Variants in MYH6 observed in about 807,000 individuals in gnomAD.
The protein encoded by MYH6 is myosin-6.
Under a neutral mutation model 223.2 loss-of-function variants are expected in MYH6, and 126 were observed. The ratio of observed to expected loss-of-function variants is 0.56; its 90% CI spans 0.49 to 0.65. The LOEUF (loss-of-function observed/expected upper bound fraction) is 0.65. Ranked by LOEUF, MYH6 falls within the 30% of genes least tolerant of loss-of-function variation. MYH6 has a pLI of 0.00. For missense variants in MYH6, 2,040 were observed against 2,536.4 expected (o/e 0.80, Z 4.20); for synonymous variants, 978 against 1,010.2 (o/e 0.97, Z 0.61).
Position 23,404,717 on chromosome 14 carries a change from C to A in MYH6, c.636G>T (p.Ala212=), listed in dbSNP as rs111265123. ...GDRGKKDNAN[A]NKGTLEDQII... ...CCTGTGTCCCCCATGGCACCTTGTT[C>A]GCATTGGCATTGTCCTTCTTGCCAC... Residue 212 remains alanine, a synonymous_variant, in exon 7 of 39, where the codon GCG becomes GCT. Coordinates refer to ENST00000405093, the MANE Select transcript of MYH6 (RefSeq NM_002471.4). 2.5e-6 allele frequency: 4 copies of A among 1,613,900 alleles called. No homozygotes were observed. Among genetic ancestry groups the A allele is most frequent in the East Asian group, 2.2e-5 (1 of 44,886 alleles).
At position 23,407,322 on chromosome 14, in the gene MYH6, A is replaced by T; in HGVS notation, c.-13-86T>A. 1 of 1,484,532 alleles carries T rather than the reference A, an allele frequency of 6.7e-7. No individual in the cohort carries two copies. The highest frequency in any genetic ancestry group is 9.3e-7 in the Non-Finnish European group (1 of 1,078,628). The allele number at this position is 1,484,532 out of a possible 1,614,324, so 92.0% of individuals were successfully genotyped here. On this transcript the variant is annotated intron_variant, in intron 2 of 38. Transcript: ENST00000405093. This position sits in a 1 kb window ranked among gnomAD's most constrained non-coding sequence, Gnocchi z 5.6. ...TTTGTCCTCTGCAGCCCCCCTCCCT[A>T]CCCCCGCTCCTCTCCTCCACCCTGG...
Position 23,386,396 on chromosome 14 carries a change from C to T in MYH6, c.4878G>A (p.Glu1626=). ...TGGCGTGGCTGAGCTGGATCTCCAT[C>T]TCATTGAGGTCTCCTTCCATCTTCT... ...VKKKMEGDLN[E]MEIQLSHANR... The change falls in exon 33 of 39, where the codon GAG becomes GAA. Residue 1626 remains glutamate (E), a synonymous_variant. Transcript: ENST00000405093. 1 of 1,614,198 alleles carries T rather than the reference C, an allele frequency of 6.2e-7. No individual in the cohort carries two copies. The highest frequency in any genetic ancestry group is 8.5e-7 in the Non-Finnish European group (1 of 1,180,028).
intron 34 of MYH6, among the ~76,000 whole-genome samples, 152 bp downstream of exon 34, chr14:23,385,775 TG>T (rs1026077338): frequency 5.9e-5 from 9 of 152,158 alleles, no homozygotes; most frequent in Admixed American, 6.5e-5. Context: ...CTTAATATAA[TG>T]GTTCTGCAGC....
intron 25 of MYH6, among the ~76,000 whole-genome samples, chr14:23,391,715 C>A (rs1442386515): frequency 6.6e-6 from 1 of 152,142 alleles, no homozygotes; most frequent in Non-Finnish European, 1.5e-5. Context: ...CAGACCTGGC[C>A]ATGTAGCTTC....
chr14:23,382,573 A>G lies in MYH6; in HGVS notation c.5662-11T>C, dbSNP rs1287239260. Reference sequence around the variant, plus strand: ...GTTGGCTTGCTCCTCCTGTGGTGGGACAGTGGGGATGGGTGAATGAGCTGG... The same window carrying G: ...GTTGGCTTGCTCCTCCTGTGGTGGGGCAGTGGGGATGGGTGAATGAGCTGG... On this transcript the variant is annotated splice_polypyrimidine_tract_variant and intron_variant, in intron 37 of 38. Coordinates refer to ENST00000405093, the MANE Select transcript of MYH6 (RefSeq NM_002471.4). 1 of 1,613,996 alleles carries G rather than the reference A, an allele frequency of 6.2e-7. No individual in the cohort carries two copies. The highest frequency in any genetic ancestry group is 1.3e-5 in the African/African-American group (1 of 74,888).
intron 21 of MYH6, 29 bp from the exon 22 acceptor site, chr14:23,393,937 A>C (rs1211117641): frequency 6.2e-7 from 1 of 1,613,966 alleles, no homozygotes; most frequent in East Asian, 2.2e-5. Context: ...GAGGAAGCTG[A>C]TGGTTAAAGA....
intron 10 of MYH6, 133 bp downstream of exon 10, chr14:23,403,215 T>C: frequency 1.3e-6 from 1 of 790,426 alleles, no homozygotes; most frequent in Non-Finnish European, 2.2e-6. Flanking sequence ...GCTGGCGGAG[T>C]GAGTGGAGGG....
intron 14 of MYH6, among the ~76,000 whole-genome samples, 158 bp from the exon 15 acceptor site, chr14:23,399,195 T>C (rs1891522751): frequency 6.6e-6 from 1 of 152,148 alleles, no homozygotes; most frequent in Non-Finnish European, 1.5e-5. Context: ...AGGAAGCCAA[T>C]ATTCCTGGAA....
In MYH6 at chr14:23,386,626, G is replaced by T. The variant is rs572175190; in HGVS notation, c.4651-3C>A. On this transcript the variant is annotated splice_polypyrimidine_tract_variant and splice_region_variant and intron_variant, in intron 32 of 38. Coordinates refer to ENST00000405093, the MANE Select transcript of MYH6 (RefSeq NM_002471.4). ...CCCTCCTCGTGCTCCAGGGAGGCCT[G>T]GGAAGGGGTGGGGCGAGGGCGGGCA... 146 of 1,607,918 alleles carry T rather than the reference G, an allele frequency of 9.1e-5. No homozygotes were observed. Among genetic ancestry groups the T allele is most frequent in the Middle Eastern group, 3.3e-4 (2 of 6,060 alleles).
In MYH6 at chr14:23,386,087, G is replaced by T; in HGVS notation, c.5004C>A (p.Asp1668Glu). Reference sequence around the variant, plus strand: ...CCACGATGGCGATGTTCTCCTTCAGGTCGTCGTTGGCACGGACCGCATCGT... The same window carrying T: ...CCACGATGGCGATGTTCTCCTTCAGTTCGTCGTTGGCACGGACCGCATCGT... Reference protein sequence around the residue: ...QLDDAVRANDDLKENIAIVER... With the variant: ...QLDDAVRANDELKENIAIVER... Residue 1668 changes from aspartate (D) to glutamate (E), a missense_variant, in exon 34 of 39, where the codon GAC becomes GAA. Physicochemically the swap from Asp to Glu is conservative, Grantham distance 45 (BLOSUM62 2). Around this residue, in one of 4 missense-constraint regions of MYH6, gnomAD observed 1,203 missense variants for 1,400.2 expected, o/e 0.86. Coordinates refer to ENST00000405093, the MANE Select transcript of MYH6 (RefSeq NM_002471.4). 2 of 1,614,232 alleles carry T rather than the reference G, an allele frequency of 1.2e-6. No individual in the cohort carries two copies. The highest frequency in any genetic ancestry group is 1.7e-6 in the Non-Finnish European group (2 of 1,180,040).
rs1891027248 is a variant in MYH6 at position 23,386,486 on chromosome 14, C to T, written c.4788G>A (p.Val1596=). 2 of 1,614,156 alleles carry T rather than the reference C, an allele frequency of 1.2e-6. No homozygotes were observed. The highest frequency in any genetic ancestry group is 2.7e-5 in the African/African-American group (2 of 75,026). The change falls in exon 33 of 39, where the codon GTG becomes GTA. Residue 1596 remains valine (V), a synonymous_variant. Transcript: ENST00000405093. ...EQAKRNHQRV[V]DSLQTSLDAE... The stretch of plus-strand genomic sequence containing the variant: ...CATCCAGGGAGGTCTGCAGCGAGTC[C>T]ACCACCCGCTGGTGGTTGCGCTTGG...
chr14:23,402,803 G>T lies in MYH6; in HGVS notation c.899-3C>A. 1 of 1,580,660 alleles carries T rather than the reference G, an allele frequency of 6.3e-7. No individual in the cohort carries two copies. The highest frequency in any genetic ancestry group is 8.6e-7 in the Non-Finnish European group (1 of 1,161,488). ...ATTGTTGGTGACCAGCAGCATGTCT[G>T]CACCAGGCAAGGGGTGAGGCAGGGG... is the stretch of plus-strand genomic sequence containing the variant. On this transcript the variant is annotated splice_region_variant and splice_polypyrimidine_tract_variant and intron_variant, in intron 10 of 38. Transcript: ENST00000405093.
chr14:23,383,740 C>T (rs1890932073), intron 36 of MYH6, among the ~76,000 whole-genome samples: 1 of 152,184 alleles, frequency 6.6e-6, no homozygotes, highest in African/African-American at 2.4e-5. Flanking sequence ...CCAGATTATT[C>T]TACATTCTAA....
chr14:23,392,556 AG>A lies in MYH6; in HGVS notation c.3342+5del. The A allele has an allele frequency of 1.9e-6, 3 of 1,598,462 alleles. No individual in the cohort carries two copies. The highest frequency in any genetic ancestry group is 2.6e-6 in the Non-Finnish European group (3 of 1,168,690). ...CCCACTTTCATGCACTGGGAAAAAA[AG>A]TCACCTGGTTTTCCTTCAGTTTCTT... On this transcript the variant is annotated splice_donor_5th_base_variant and intron_variant, in intron 25 of 38. Coordinates refer to ENST00000405093, the MANE Select transcript of MYH6 (RefSeq NM_002471.4).
chr14:23,402,776 G>A lies in MYH6; in HGVS notation c.923C>T (p.Pro308Leu). Reference sequence around the variant, plus strand: ...CTGAGACACGAAGGCGTAGTCGTAGGGATTGTTGGTGACCAGCAGCATGTC... The same window carrying A: ...CTGAGACACGAAGGCGTAGTCGTAGAGATTGTTGGTGACCAGCAGCATGTC... ...LLDMLLVTNN[P>L]YDYAFVSQGE... Residue 308 changes from proline to leucine, a missense_variant, in exon 11 of 39, where the codon CCC becomes CTC. Pro to Leu is a moderately conservative substitution (Grantham distance 98). Transcript: ENST00000405093. 6.2e-7 allele frequency: 1 copy of A among 1,613,376 alleles called. No homozygotes were observed. Among genetic ancestry groups the A allele is most frequent in the Non-Finnish European group, 8.5e-7 (1 of 1,179,834 alleles).
At position 23,408,254 on chromosome 14, in the gene MYH6, TG is replaced by T; in HGVS notation, c.-49del. ...ATCCCACCCCAAACCTCCTCTTACC[TG>T]GGCCGCAGGAGTCTCTCTATCTGTC... On this transcript the variant is annotated splice_region_variant and 5_prime_UTR_variant, in exon 1 of 39. Transcript: ENST00000405093. 1.0e-6 allele frequency: 1 copy of T among 985,432 alleles called. No individual in the cohort carries two copies. The highest frequency in any genetic ancestry group is 1.7e-5 in the African/African-American group (1 of 57,362). 61.0% of individuals were successfully genotyped at this position (985,432 alleles called of 1,614,324 possible).
chr14:23,386,019 C>T lies in MYH6; in HGVS notation c.5072G>A (p.Arg1691His), dbSNP rs727504502. The T allele has an allele frequency of 1.1e-5, 17 of 1,614,210 alleles. No individual in the cohort carries two copies. Among genetic ancestry groups the T allele is most frequent in the Admixed American group, 6.7e-5 (4 of 60,018 alleles). The change falls in exon 34 of 39, where the codon CGT becomes CAT. Residue 1691 changes from arginine to histidine, a missense_variant. By Grantham distance (29) the Arg-to-His change is conservative (BLOSUM62 0). This residue lies in a region of MYH6 where 1,203 missense variants were observed against 1,400.2 expected (regional missense o/e 0.86). Transcript: ENST00000405093. The part of the protein sequence containing the change: ...NLLQAELEEL[R>H]AVVEQTERSR... ...CCGCTCTGTCTGCTCCACCACGGCA[C>T]GCAGCTCCTCCAGCTCAGCCTGCAG...
rs1373471642 is a variant in MYH6 at position 23,394,259 on chromosome 14, T to C, written c.2494A>G (p.Met832Val). 6 of 1,614,216 alleles carry C rather than the reference T, an allele frequency of 3.7e-6. No homozygotes were observed. Among genetic ancestry groups the C allele is most frequent in the Admixed American group, 1.7e-5 (1 of 60,026 alleles). ...AFMGVKNWPW[M>V]KLYFKIKPLL... The stretch of plus-strand genomic sequence containing the variant: ...GGCTTGATCTTGAAGTAGAGCTTCA[T>C]CCAGGGCCAATTCTTGACCCCCATG... The change falls in exon 21 of 39, where the codon ATG (methionine) becomes GTG (valine). Residue 832 changes from methionine to valine, a missense_variant. Around this residue, in one of 4 missense-constraint regions of MYH6, gnomAD observed 649 missense variants for 877.3 expected, o/e 0.74. Transcript: ENST00000405093.
rs1595049396 is a variant in MYH6, at chr14:23,386,326, T to C, written c.4948A>G (p.Ser1650Gly). The C allele has an allele frequency of 8.1e-6, 13 of 1,614,116 alleles. No individual in the cohort carries two copies. The highest frequency in any genetic ancestry group is 1.1e-5 in the Non-Finnish European group (13 of 1,180,020). ...EAQKQVKSLQ[S>G]LLKDTQIQLD... ...CCGCCCCCATGTACCTTCAGCAAGC[T>C]CTGGAGGCTCTTGACTTGCTTCTGG... The change falls in exon 33 of 39, where the codon AGC (serine) becomes GGC (glycine). Residue 1650 changes from serine (S) to glycine (G), a missense_variant. Physicochemically the swap from Ser to Gly is moderately conservative, Grantham distance 56. Transcript: ENST00000405093.
Sources: allele counts gnomAD v4.1 joint callset (sites outside exome capture counted in the v4.1 genomes callset), GRCh38; gene constraint gnomAD v4.1.1; regional missense constraint gnomAD v4.1.1; non-coding constraint Gnocchi (gnomAD v3.1); transcripts MANE v1.5; gene names NCBI Gene and HGNC (gene_info 2026-07-23, HGNC 2026-07-21).